The following TENM3 variants were observed in gnomAD, a reference collection of about 807,000 sequenced individuals.
TENM3 encodes teneurin-3.
In TENM3, 63 loss-of-function variants were observed where a neutral mutation model predicts 255.1. The ratio of observed to expected loss-of-function variants is 0.25; its 90% CI spans 0.20 to 0.30. The LOEUF is 0.30. Among genes scored for constraint, TENM3 ranks in the 10% least tolerant of loss-of-function variants. The pLI, the probability that TENM3 is intolerant of heterozygous loss-of-function variation, is 1.00. For missense variants in TENM3, 2,929 were observed against 3,461.1 expected (o/e 0.85, Z 3.86); for synonymous variants, 1,306 against 1,322.3 (o/e 0.99, Z 0.27).
chr4:181,477,455 A>G, the TENM3 span, among the ~76,000 whole-genome samples: 1 of 152,170 alleles, frequency 6.6e-6, no homozygotes, highest in African/African-American at 2.4e-5. Flanking sequence ...TTGAATTAGA[A>G]TAAACTTTCT....
the TENM3 span, among the ~76,000 whole-genome samples, chr4:181,463,737 C>G: frequency 3.3e-5 from 5 of 152,072 alleles, no homozygotes; most frequent in African/African-American, 1.2e-4. Flanking sequence ...AACCATCATC[C>G]ATATCTAATT....
chr4:181,545,482 C>G, the TENM3 span, among the ~76,000 whole-genome samples: 1 of 152,060 alleles, frequency 6.6e-6, no homozygotes. Flanking sequence ...GGATCACCTA[C>G]CCCAGAATTT....
the TENM3 span, chr4:182,081,953 T>C: frequency 6.6e-6 from 1 of 152,214 alleles, no homozygotes; most frequent in Non-Finnish European, 1.5e-5. Flanking sequence ...CAAAACCCTA[T>C]TGACAGAGTC....
intron 3 of TENM3, among the ~76,000 whole-genome samples, chr4:182,561,032 C>G (rs1375357198): frequency 1.3e-5 from 2 of 152,096 alleles, no homozygotes; most frequent in African/African-American, 4.8e-5. Flanking sequence ...ATTTGAGGAA[C>G]ATTTCCAACG....
intron 3 of TENM3, among the ~76,000 whole-genome samples, chr4:182,448,539 G>C (rs1319540918): frequency 6.6e-6 from 1 of 152,222 alleles, no homozygotes; most frequent in African/African-American, 2.4e-5. Flanking sequence ...CCGTTCATGG[G>C]TTGGGAGAGA....
the TENM3 span, among the ~76,000 whole-genome samples, chr4:181,908,023 A>T: frequency 6.6e-6 from 1 of 152,184 alleles, no homozygotes; most frequent in Admixed American, 6.5e-5. Context: ...CGAGTGCTAA[A>T]GCTATACAAG....
At chr4:182,170,824 T>C (rs541403099) in intron 1 of TENM3, among the ~76,000 whole-genome samples, 106 of 152,276 alleles carry the variant, frequency 7.0e-4, no homozygotes, top group Middle Eastern at 3.4e-3. Context: ...CAAAGTAAAA[T>C]TTCAGTGATG....
At chr4:182,355,720 TG>T (rs1000041627) in intron 3 of TENM3, among the ~76,000 whole-genome samples, 6 of 152,162 alleles carry the variant, frequency 3.9e-5, no homozygotes, top group African/African-American at 1.4e-4. Flanking sequence ...GATGATTAAT[TG>T]GGGGAAGAGA....
At chr4:182,022,530 TA>T in the TENM3 span, among the ~76,000 whole-genome samples, 8,407 of 119,928 alleles carry the variant, frequency 0.07, 262 homozygotes, top group African/African-American at 0.11. Context: ...ATCCCCTGAA[TA>T]AAAAAAAAAA....
intron 1 of TENM3, among the ~76,000 whole-genome samples, chr4:182,260,147 A>C (rs1043799882): frequency 6.6e-6 from 1 of 152,156 alleles, no homozygotes; most frequent in Non-Finnish European, 1.5e-5. Flanking sequence ...GTTGATGGAC[A>C]CTTAGGGCGA....
intron 3 of TENM3, among the ~76,000 whole-genome samples, chr4:182,417,036 C>A (rs1198447218): frequency 1.3e-5 from 2 of 152,082 alleles, no homozygotes; most frequent in South Asian, 4.2e-4. Context: ...TGCGGTGGTG[C>A]GATCTCGGCT....
chr4:181,799,475 G>C, the TENM3 span, among the ~76,000 whole-genome samples: 1 of 152,178 alleles, frequency 6.6e-6, no homozygotes, highest in Non-Finnish European at 1.5e-5. Context: ...AATTATTCAA[G>C]CCACATTTAA....
chr4:182,400,062 G>C (rs1297724475), intron 3 of TENM3, among the ~76,000 whole-genome samples: 3 of 151,794 alleles, frequency 2.0e-5, no homozygotes, highest in Non-Finnish European at 2.9e-5. Context: ...TTTATTTTCT[G>C]TCTCCATTTT....
At chr4:182,584,862 G>C (rs533351720) in intron 3 of TENM3, among the ~76,000 whole-genome samples, 1 of 151,958 alleles carries the variant, frequency 6.6e-6, no homozygotes, top group Non-Finnish European at 1.5e-5. Flanking sequence ...GGCCGGTCTC[G>C]ATCTCCTGAC....
intron 3 of TENM3, among the ~76,000 whole-genome samples, chr4:182,567,495 C>T (rs1237448107): frequency 6.6e-6 from 1 of 152,128 alleles, no homozygotes. Flanking sequence ...TTAAAATGGC[C>T]TTCCAGATTC....
chr4:181,897,056 T>C, the TENM3 span, among the ~76,000 whole-genome samples: 1 of 152,186 alleles, frequency 6.6e-6, no homozygotes, highest in Non-Finnish European at 1.5e-5. Flanking sequence ...CACCCTGACA[T>C]TCCCTTCCTG....
chr4:182,555,511 G>A (rs2151949718), intron 3 of TENM3, among the ~76,000 whole-genome samples: 1 of 152,110 alleles, frequency 6.6e-6, no homozygotes, highest in South Asian at 2.1e-4. Flanking sequence ...ATTGATTTGG[G>A]ACCTAAAGTA....
the TENM3 span, among the ~76,000 whole-genome samples, chr4:181,697,642 T>C: frequency 6.6e-6 from 1 of 152,058 alleles, no homozygotes; most frequent in African/African-American, 2.4e-5. Flanking sequence ...TCCGCCTGCC[T>C]TGGCCTCCCA....
At chr4:181,811,968 T>C in the TENM3 span, among the ~76,000 whole-genome samples, 2 of 152,358 alleles carry the variant, frequency 1.3e-5, no homozygotes, top group Non-Finnish European at 2.9e-5. Context: ...AAATATTTAA[T>C]GTTTAGGGCA....
Sources: gnomAD v4.1 joint callset for allele counts (sites outside exome capture counted in the v4.1 genomes callset) on GRCh38, gnomAD v4.1.1 for gene constraint, MANE v1.5 for transcripts, NCBI Gene and HGNC (gene_info 2026-07-23, HGNC 2026-07-21) for gene names.